The following CDH12 variants were observed in gnomAD, a reference collection of about 807,000 sequenced individuals.
CDH12 encodes cadherin-12.
A neutral mutation model predicts 74.1 loss-of-function variants in CDH12; 41 were observed. The ratio of observed to expected loss-of-function variants is 0.55; its 90% CI spans 0.43 to 0.72. CDH12 has a LOEUF of 0.72. CDH12 is among the 30% of genes least tolerant of loss of function. The pLI is 0.00. For missense variants in CDH12, 945 were observed against 977.2 expected, an observed-to-expected ratio of 0.97 and a Z score of 0.44; for synonymous variants, 399 against 355.0, an observed-to-expected ratio of 1.12 and a Z score of -1.39.
chr5:22,445,201 C>A (rs918016570), intron 2 of CDH12, among the ~76,000 whole-genome samples: 2 of 151,998 alleles, frequency 1.3e-5, no homozygotes, highest in African/African-American at 4.8e-5. Context: ...TCTCAAAATT[C>A]TCTTTCTTCA....
chr5:21,829,121 C>T (rs1748861053), intron 8 of CDH12, among the ~76,000 whole-genome samples: 2 of 152,088 alleles, frequency 1.3e-5, no homozygotes, highest in Non-Finnish European at 2.9e-5. Flanking sequence ...ATGGCAAAGC[C>T]CTGTCTCTAC....
At chr5:22,292,112 C>G (rs1232032237) in intron 3 of CDH12, among the ~76,000 whole-genome samples, 1 of 151,998 alleles carries the variant, frequency 6.6e-6, no homozygotes, top group East Asian at 1.9e-4. Flanking sequence ...GGGACAATCT[C>G]TCAATAAATG....
intron 1 of CDH12, among the ~76,000 whole-genome samples, chr5:22,737,162 A>T (rs73742191): frequency 0.018 from 2,682 of 152,008 alleles, 81 homozygotes; most frequent in African/African-American, 0.061. Context: ...CAGGTGCTAG[A>T]TATCTTCTTG....
At chr5:22,849,221 A>C (rs1707050) in intron 1 of CDH12, among the ~76,000 whole-genome samples, 1 of 152,146 alleles carries the variant, frequency 6.6e-6, no homozygotes, top group Non-Finnish European at 1.5e-5. Flanking sequence ...GAATAACTCA[A>C]AGTTCAAAAA....
intron 4 of CDH12, among the ~76,000 whole-genome samples, chr5:22,182,998 G>T (rs908573482): frequency 1.3e-5 from 2 of 151,220 alleles, no homozygotes; most frequent in Non-Finnish European, 2.9e-5. Flanking sequence ...ACTACATGGT[G>T]CTCAAAGAGA....
intron 5 of CDH12, among the ~76,000 whole-genome samples, chr5:22,077,057 TG>T (rs1561085857): frequency 1.3e-5 from 2 of 150,118 alleles, no homozygotes. Flanking sequence ...AGTGTGTGTG[TG>T]TGTGTGTGTG....
intron 5 of CDH12, among the ~76,000 whole-genome samples, chr5:22,009,334 G>A (rs1444269532): frequency 6.6e-6 from 1 of 152,104 alleles, no homozygotes; most frequent in East Asian, 1.9e-4. Flanking sequence ...TGTTTTCAGA[G>A]CTGCCCTATT....
chr5:22,148,687 C>T (rs1294508180), intron 4 of CDH12, among the ~76,000 whole-genome samples: 1 of 152,184 alleles, frequency 6.6e-6, no homozygotes, highest in Non-Finnish European at 1.5e-5. Flanking sequence ...TCTGGTGGTT[C>T]TTGTCACTCC....
intron 1 of CDH12, among the ~76,000 whole-genome samples, chr5:22,663,004 A>C (rs1740428673): frequency 6.6e-6 from 1 of 152,206 alleles, no homozygotes; most frequent in African/African-American, 2.4e-5. Context: ...TGGAGTTTAT[A>C]ATAATATTAA....
At chr5:22,084,738 G>A (rs1561093413) in intron 4 of CDH12, among the ~76,000 whole-genome samples, 1 of 152,124 alleles carries the variant, frequency 6.6e-6, no homozygotes, top group Admixed American at 6.6e-5. Flanking sequence ...ACGGTTGTCA[G>A]CCAGGGAGCT....
chr5:22,726,484 G>A (rs979707846), intron 1 of CDH12, among the ~76,000 whole-genome samples: 1 of 151,694 alleles, frequency 6.6e-6, no homozygotes, highest in Non-Finnish European at 1.5e-5. Flanking sequence ...CAAGAAGTGT[G>A]ATTGCTGGAT....
chr5:22,233,459 T>C (rs1410011141), intron 3 of CDH12, among the ~76,000 whole-genome samples: 5 of 152,096 alleles, frequency 3.3e-5, no homozygotes, highest in Non-Finnish European at 5.9e-5. Flanking sequence ...GTCTAACTTA[T>C]TGGTTTGCTC....
intron 1 of CDH12, among the ~76,000 whole-genome samples, chr5:22,708,754 GAAAT>G (rs1358611612): frequency 6.6e-6 from 1 of 152,022 alleles, no homozygotes. Context: ...TATTGAGGGT[GAAAT>G]AAATAAAATA....
Position 22,249,803 on chromosome 5 carries a change from T to C in CDH12, c.-332-37160A>G, listed in dbSNP as rs571224647. Among the ~76,000 whole-genome samples, 195 of 152,314 alleles carry C rather than the reference T, an allele frequency of 1.3e-3. 1 individual carries two copies. The highest frequency in any genetic ancestry group is 4.5e-3 in the African/African-American group (189 of 41,566). On this transcript the variant is annotated intron_variant, in intron 3 of 14. Coordinates refer to ENST00000382254, the MANE Select transcript of CDH12 (RefSeq NM_004061.5). Reference sequence around the variant, plus strand: ...GTAATGGAGAAATCTCTCTCTGTCATTTTTATGTTCATCTTTTGTTGTATT... The same window carrying C: ...GTAATGGAGAAATCTCTCTCTGTCACTTTTATGTTCATCTTTTGTTGTATT...
At chr5:22,185,652 AT>A (rs1749901912) in intron 4 of CDH12, among the ~76,000 whole-genome samples, 1 of 152,186 alleles carries the variant, frequency 6.6e-6, no homozygotes, top group Admixed American at 6.5e-5. Context: ...CCTAGTGCTT[AT>A]TTGTCATAAG....
rs558702192 is a variant in CDH12 at position 22,659,540 on chromosome 5, A to G, written c.-522-154176T>C. 3.9e-5 allele frequency among the ~76,000 whole-genome samples: 6 copies of G among 152,250 alleles called. No homozygotes were observed. The South Asian group carries it at 8.3e-4, about 21-fold the overall frequency. ...ATACCTATGTACTGTGCACATATAT[A>G]TAATTCTTTATAATTTAAAAAATAA... On this transcript the variant is annotated intron_variant, in intron 1 of 14. Coordinates refer to ENST00000382254, the MANE Select transcript of CDH12 (RefSeq NM_004061.5).
intron 1 of CDH12, among the ~76,000 whole-genome samples, chr5:22,654,901 G>C (rs1455157869): frequency 6.6e-6 from 1 of 152,094 alleles, no homozygotes; most frequent in Non-Finnish European, 1.5e-5. Context: ...AACGTGCTGG[G>C]AATACAGGCA....
At chr5:22,229,754 G>C (rs975388478) in intron 3 of CDH12, among the ~76,000 whole-genome samples, 12 of 151,928 alleles carry the variant, frequency 7.9e-5, no homozygotes, top group Non-Finnish European at 1.5e-4. Flanking sequence ...GGTATACCAT[G>C]TTCCATCTGC....
chr5:22,235,828 G>C (rs570643263), intron 3 of CDH12, among the ~76,000 whole-genome samples: 7 of 152,120 alleles, frequency 4.6e-5, no homozygotes, highest in African/African-American at 1.7e-4. Context: ...GAACTTCATC[G>C]TTAGGCAATT....
Sources: gnomAD v4.1 joint callset for allele counts (sites outside exome capture counted in the v4.1 genomes callset) on GRCh38, gnomAD v4.1.1 for gene constraint, MANE v1.5 for transcripts, NCBI Gene and HGNC (gene_info 2026-07-23, HGNC 2026-07-21) for gene names.